The following LMO3 variants were observed in gnomAD, a reference collection of about 807,000 sequenced individuals.
LMO3 encodes the protein LIM domain only 3.
A neutral mutation model predicts 15.8 loss-of-function variants in LMO3; 2 were observed. The ratio of observed to expected loss-of-function variants is 0.13; its 90% CI spans 0.05 to 0.40. The LOEUF is 0.40. Among genes scored for constraint, LMO3 ranks in the 10% least tolerant of loss-of-function variants. The probability of loss-of-function intolerance (pLI) is 0.99; values close to 1 mark genes in which losing one functional copy is unlikely to be tolerated. For synonymous variants in LMO3, 62 were observed against 63.8 expected (o/e 0.97, Z 0.13); for missense variants, 86 against 182.2 (o/e 0.47, Z 3.04).
At chr12:16,605,012 C>G (rs1164272106) in intron 1 of LMO3, 1 of 1,579,580 alleles carries the variant, frequency 6.3e-7, no homozygotes, top group Non-Finnish European at 8.5e-7. Flanking sequence ...GCCTACACCG[C>G]CGAGGACCGA....
Position 16,548,501 on chromosome 12 carries a change from T to G in LMO3, c.*2721A>C, listed in dbSNP as rs141542005. The stretch of plus-strand genomic sequence containing the variant: ...ACAGGTCAACTTTTAAACTCAGCAC[T>G]CTGTTGGAGTGGAGGTGCACGGTCC... On this transcript the variant is annotated 3_prime_UTR_variant, in exon 4 of 4. Transcript: ENST00000537304. The surrounding 1 kb of genome is among the most constrained non-coding windows in gnomAD (Gnocchi z 4.2). 2 of 152,238 alleles carry G rather than the reference T, an allele frequency of 1.3e-5. No individual in the cohort carries two copies. The highest frequency in any genetic ancestry group is 3.9e-4 in the East Asian group (2 of 5,184). The allele number at this position is 152,238 out of a possible 1,614,324, so 9.4% of individuals were successfully genotyped here. A position where few individuals can be genotyped will look rare whatever the true frequency, so the allele number is the denominator to read the frequency against.
At position 16,604,455 on chromosome 12, in the gene LMO3, T is replaced by C. The variant is rs1378794804; in HGVS notation, c.-9+1611A>G. The C allele has an allele frequency of 1.1e-5, 2 of 175,408 alleles. No homozygotes were observed. The highest frequency in any genetic ancestry group is 4.8e-5 in the African/African-American group (2 of 41,970). 10.9% of individuals were successfully genotyped at this position (175,408 alleles called of 1,614,324 possible). ...CAGAGATACTGACATTTTTCCACTC[T>C]TATCAGTTTAATTACAGTTACCATG... On this transcript the variant is annotated intron_variant, in intron 1 of 3. Transcript: ENST00000537304. This position sits in a 1 kb window ranked among gnomAD's most constrained non-coding sequence, Gnocchi z 5.3.
At position 16,559,565 on chromosome 12, in the gene LMO3, T is replaced by C. The variant is rs933605814; in HGVS notation, c.332+848A>G. The stretch of plus-strand genomic sequence containing the variant: ...AAATGCTCCTCTCCAATGATAATAA[T>C]TGTTTAATTATTAGCTATATCTGGA... On this transcript the variant is annotated intron_variant, in intron 3 of 3. Coordinates refer to ENST00000537304, the MANE Select transcript of LMO3 (RefSeq NM_018640.5). The surrounding 1 kb of genome is among the most constrained non-coding windows in gnomAD (Gnocchi z 4.1). Among the ~76,000 whole-genome samples the C allele has an allele frequency of 6.6e-6, 1 of 152,190 alleles. No individual in the cohort carries two copies. The highest frequency in any genetic ancestry group is 1.5e-5 in the Non-Finnish European group (1 of 68,038).
intron 1 of LMO3, chr12:16,605,833 C>T (rs1943977326): frequency 6.5e-7 from 1 of 1,534,956 alleles, no homozygotes; most frequent in Non-Finnish European, 8.7e-7. Flanking sequence ...GCATCTATTT[C>T]ATGTCTCATC....
rs1943940968 is a variant in LMO3, at chr12:16,604,995, G to A, written c.-9+1071C>T. 3 of 1,594,786 alleles carry A rather than the reference G, an allele frequency of 1.9e-6. No homozygotes were observed. In the East Asian group the frequency reaches 6.7e-5, roughly 36 times the overall value. On this transcript the variant is annotated intron_variant, in intron 1 of 3. Coordinates refer to ENST00000537304, the MANE Select transcript of LMO3 (RefSeq NM_018640.5). This position sits in a 1 kb window ranked among gnomAD's most constrained non-coding sequence, Gnocchi z 5.3. ...TTGATTTCGCTTAAGTGTGGACCTG[G>A]TGCGCAGCCTACACCGCCGAGGACC... is the stretch of plus-strand genomic sequence containing the variant.
chr12:16,605,941 GT>G, intron 1 of LMO3, 124 bp downstream of exon 1: 2 of 930,462 alleles, frequency 2.1e-6, no homozygotes, highest in Non-Finnish European at 1.6e-6. Context: ...TGCAGCTCCA[GT>G]TTATGCCTCA....
chr12:16,563,759 A>G lies in LMO3; in HGVS notation c.207-3221T>C, dbSNP rs112993106. ...AGTCGTACACTGAGACAGACAAAGC[A>G]TTATTTTAAAAAGGAAGTCATTTTG... On this transcript the variant is annotated intron_variant, in intron 2 of 3. Transcript: ENST00000537304. 9.4e-3 allele frequency among the ~76,000 whole-genome samples: 1,427 copies of G among 152,334 alleles called. 28 individuals are homozygous for G. The highest frequency in any genetic ancestry group is 0.033 in the African/African-American group (1,360 of 41,578).
rs143197224 is a variant in LMO3, at chr12:16,576,650, G to A, written c.207-16112C>T. Among the ~76,000 whole-genome samples the A allele has an allele frequency of 5.2e-3, 784 of 152,094 alleles. 8 individuals carry two copies. Among genetic ancestry groups the A allele is most frequent in the African/African-American group, 0.018 (763 of 41,484 alleles). On this transcript the variant is annotated intron_variant, in intron 2 of 3. Transcript: ENST00000537304. The surrounding 1 kb of genome is among the most constrained non-coding windows in gnomAD (Gnocchi z 4.1). ...GAAAACTTGCCTTCTCCTTTACTCT[G>A]CACCTAACACATGTGATGTTCATAT... is the stretch of plus-strand genomic sequence containing the variant.
At chr12:16,551,931 G>A (rs1942004345) in intron 3 of LMO3, among the ~76,000 whole-genome samples, 1 of 151,850 alleles carries the variant, frequency 6.6e-6, no homozygotes, top group African/African-American at 2.4e-5. Flanking sequence ...CTTTGTTTGT[G>A]GCAAGTTCAC....
intron 1 of LMO3, chr12:16,605,764 G>T (rs1191953724): frequency 5.2e-6 from 8 of 1,535,024 alleles, no homozygotes; most frequent in Non-Finnish European, 6.1e-6. Context: ...CACTCGAGTC[G>T]TACTTGAGAC....
At position 16,589,235 on chromosome 12, in the gene LMO3, C is replaced by T. The variant is rs999818492; in HGVS notation, c.206+11420G>A. On this transcript the variant is annotated intron_variant, in intron 2 of 3. Transcript: ENST00000537304. This position sits in a 1 kb window ranked among gnomAD's most constrained non-coding sequence, Gnocchi z 4.2. ...TGATATTCACAGAAGATTATAACAA[C>T]AGTAGATGAATGCATCCTAATAGGA... Among the ~76,000 whole-genome samples, 2 of 152,062 alleles carry T rather than the reference C, an allele frequency of 1.3e-5. No individual in the cohort carries two copies. The highest frequency in any genetic ancestry group is 2.4e-5 in the African/African-American group (1 of 41,404).
chr12:16,605,938 C>CCG, intron 1 of LMO3, 128 bp downstream of exon 1: 1 of 934,222 alleles, frequency 1.1e-6, no homozygotes, highest in Non-Finnish European at 1.6e-6. Flanking sequence ...GGTTGCAGCT[C>CCG]CAGTTTATGC....
chr12:16,586,309 T>C lies in LMO3; in HGVS notation c.206+14346A>G, dbSNP rs542663638. Among the ~76,000 whole-genome samples the C allele has an allele frequency of 2.2e-4, 34 of 152,116 alleles. No individual in the cohort carries two copies. Among genetic ancestry groups the C allele is most frequent in the Non-Finnish European group, 4.7e-4 (32 of 68,010 alleles). On this transcript the variant is annotated intron_variant, in intron 2 of 3. Coordinates refer to ENST00000537304, the MANE Select transcript of LMO3 (RefSeq NM_018640.5). The surrounding 1 kb of genome is among the most constrained non-coding windows in gnomAD (Gnocchi z 4.3). The stretch of plus-strand genomic sequence containing the variant: ...GTTAAGATGTCATGATACGATGAAG[T>C]CCACATACGGAACAACTAAGAAACA...
intron 2 of LMO3, chr12:16,573,424 C>T (rs1942887516): frequency 6.6e-6 from 1 of 152,112 alleles, no homozygotes; most frequent in Non-Finnish European, 1.5e-5. Flanking sequence ...GATATTTGAA[C>T]GCGTGTGTGC....
chr12:16,594,050 C>T, intron 2 of LMO3: 1 of 1,221,144 alleles, frequency 8.2e-7, no homozygotes, highest in Non-Finnish European at 1.1e-6. Flanking sequence ...GATTAATATC[C>T]TGTAAGAATA....
chr12:16,605,118 C>T, intron 1 of LMO3: 1 of 1,422,904 alleles, frequency 7.0e-7, no homozygotes, highest in Non-Finnish European at 9.2e-7. Context: ...ACACACGGAG[C>T]CCCTCGCAGT....
rs955649006 is a variant in LMO3 at position 16,551,192 on chromosome 12, T to A, written c.*30A>T. 3.0e-6 allele frequency: 4 copies of A among 1,323,772 alleles called. No individual in the cohort carries two copies. The African/African-American group carries it at 5.8e-5, about 19-fold the overall frequency. 82.0% of individuals were successfully genotyped at this position (1,323,772 alleles called of 1,614,324 possible). On this transcript the variant is annotated 3_prime_UTR_variant, in exon 4 of 4. Coordinates refer to ENST00000537304, the MANE Select transcript of LMO3 (RefSeq NM_018640.5). ...AAAAAAGATAAAAGAATGTAGTGCT[T>A]TGTATTCTTAATGGGGTGATGTTGA...
Position 16,586,510 on chromosome 12 carries a change from A to G in LMO3, c.206+14145T>C, listed in dbSNP as rs140862851. ...GCTAAGCATTATCTTCTACGTCCAC[A>G]GAAAAAAATCTGTTGTATAATATTG... is the stretch of plus-strand genomic sequence containing the variant. On this transcript the variant is annotated intron_variant, in intron 2 of 3. Coordinates refer to ENST00000537304, the MANE Select transcript of LMO3 (RefSeq NM_018640.5). This position sits in a 1 kb window ranked among gnomAD's most constrained non-coding sequence, Gnocchi z 4.3. Among the ~76,000 whole-genome samples, 132 of 152,296 alleles carry G rather than the reference A, an allele frequency of 8.7e-4. No individual in the cohort carries two copies. The highest frequency in any genetic ancestry group is 3.0e-3 in the African/African-American group (126 of 41,570).
intron 3 of LMO3, among the ~76,000 whole-genome samples, chr12:16,558,384 G>A (rs2137311548): frequency 6.6e-6 from 1 of 152,108 alleles, no homozygotes; most frequent in South Asian, 2.1e-4. Flanking sequence ...ATTCCATAAT[G>A]GGAACTGCAT....
Sources: allele counts gnomAD v4.1 joint callset (sites outside exome capture counted in the v4.1 genomes callset), GRCh38; gene constraint gnomAD v4.1.1; non-coding constraint Gnocchi (gnomAD v3.1); transcripts MANE v1.5; gene names NCBI Gene and HGNC (gene_info 2026-07-23, HGNC 2026-07-21).